C4BPA: variants seen among roughly 807,000 people sequenced by gnomAD.
C4BPA encodes C4b-binding protein alpha chain.
A neutral mutation model predicts 63.7 loss-of-function variants in C4BPA; 31 were observed. The ratio of observed to expected loss-of-function variants is 0.49; its 90% confidence interval spans 0.37 to 0.66. The LOEUF (loss-of-function observed/expected upper bound fraction) is 0.66, where lower values mean the gene tolerates loss of function less well. Among genes scored for constraint, C4BPA ranks in the 30% least tolerant of loss-of-function variants. C4BPA has a pLI of 0.00. For synonymous variants in C4BPA, 259 were observed against 254.7 expected, an observed-to-expected ratio of 1.02 and a Z score of -0.16; for missense variants, 572 against 723.3, an observed-to-expected ratio of 0.79 and a Z score of 2.40.
At chr1:207,133,006 C>T (rs1416529013) in intron 8 of C4BPA, among the ~76,000 whole-genome samples, 1 of 152,214 alleles carries the variant, frequency 6.6e-6, no homozygotes, top group Admixed American at 6.5e-5. Context: ...GCCTGGATGA[C>T]AGAGCAGGAC....
At chr1:207,139,875 G>T (rs893449514) in intron 9 of C4BPA, among the ~76,000 whole-genome samples, 2 of 152,100 alleles carry the variant, frequency 1.3e-5, no homozygotes, top group Non-Finnish European at 2.9e-5. Context: ...ACTGTCCTAG[G>T]TTTATATATT....
chr1:207,113,195 A>G lies in C4BPA; in HGVS notation c.142+28A>G, dbSNP rs751508928. ...GAGTAGTGGGAAACAAGCTCAAATC[A>G]GCAACAAACAATGAAGATCATCTGT... On this transcript the variant is annotated intron_variant, in intron 2 of 11. Coordinates refer to ENST00000367070, the MANE Select transcript of C4BPA (RefSeq NM_000715.4). The G allele has an allele frequency of 1.1e-5, 17 of 1,599,878 alleles. No homozygotes were observed. The East Asian group carries it at 3.4e-4, about 32-fold the overall frequency.
Position 207,131,580 on chromosome 1 carries a change from T to C in C4BPA, c.924T>C (p.Ala308=), listed in dbSNP as rs199696184. The C allele has an allele frequency of 6.2e-7, 1 of 1,612,326 alleles. No individual in the cohort carries two copies. The highest frequency in any genetic ancestry group is 2.2e-5 in the East Asian group (1 of 44,808). ...TTAATTTACCAGACATTCCACATGC[T>C]TCCTGGGAAACATATCCTAGGCCGA... is the stretch of plus-strand genomic sequence containing the variant. ...SCINLPDIPH[A]SWETYPRPTK... The change falls in exon 8 of 12, where the codon GCT becomes GCC. Residue 308 remains alanine, a synonymous_variant. Transcript: ENST00000367070.
chr1:207,141,358 C>A, intron 10 of C4BPA, 82 bp downstream of exon 10: 1 of 1,031,894 alleles, frequency 9.7e-7, no homozygotes, highest in Non-Finnish European at 1.4e-6. Context: ...TCTTCCCTGT[C>A]AGAGGCAGCA....
chr1:207,113,737 T>C (rs1684719423), intron 2 of C4BPA, among the ~76,000 whole-genome samples: 2 of 152,242 alleles, frequency 1.3e-5, no homozygotes, highest in South Asian at 4.1e-4. Flanking sequence ...CAACTTGTAG[T>C]GACTTCTGAC....
rs551635739 is a variant in C4BPA at position 207,137,131 on chromosome 1, T to G, written c.1273+2539T>G. On this transcript the variant is annotated intron_variant, in intron 9 of 11. Coordinates refer to ENST00000367070, the MANE Select transcript of C4BPA (RefSeq NM_000715.4). ...GGAAGATCCCCATGTATGTATAAAATTTGTGTGCTTTTCCCTTGTTAATCT... is the reference window on the plus strand; with the variant it reads ...GGAAGATCCCCATGTATGTATAAAAGTTGTGTGCTTTTCCCTTGTTAATCT... Among the ~76,000 whole-genome samples the G allele has an allele frequency of 2.6e-5, 4 of 152,352 alleles. No individual in the cohort carries two copies. In the South Asian group the frequency reaches 8.3e-4, roughly 32 times the overall value.
At chr1:207,137,462 A>T (rs907061844) in intron 9 of C4BPA, among the ~76,000 whole-genome samples, 1 of 152,174 alleles carries the variant, frequency 6.6e-6, no homozygotes, top group Non-Finnish European at 1.5e-5. Flanking sequence ...GGAGAACTCA[A>T]AGTGGTGTCG....
At chr1:207,112,490 T>C (rs1203418250) in intron 1 of C4BPA, among the ~76,000 whole-genome samples, 5 of 152,168 alleles carry the variant, frequency 3.3e-5, no homozygotes, top group Non-Finnish European at 7.4e-5. Context: ...ATCTTGTGCA[T>C]GTCTGCCATA....
intron 9 of C4BPA, among the ~76,000 whole-genome samples, chr1:207,137,649 T>C (rs948685013): frequency 1.3e-5 from 2 of 151,844 alleles, no homozygotes; most frequent in African/African-American, 4.9e-5. Context: ...ACAGAGTTTC[T>C]CCCTGTTGCC....
At chr1:207,114,062 G>C in intron 2 of C4BPA, 38 bp from the exon 3 acceptor site, 1 of 1,561,388 alleles carries the variant, frequency 6.4e-7, no homozygotes, top group South Asian at 1.1e-5. Context: ...GTGTCCCAAG[G>C]TATAAGTTTT....
At chr1:207,134,001 T>G (rs1348493438) in intron 8 of C4BPA, among the ~76,000 whole-genome samples, 1 of 152,128 alleles carries the variant, frequency 6.6e-6, no homozygotes, top group African/African-American at 2.4e-5. Flanking sequence ...TTCATATTGG[T>G]TAAATTTTTT....
At chr1:207,107,572 T>C (rs1475941005) in intron 1 of C4BPA, among the ~76,000 whole-genome samples, 2 of 151,978 alleles carry the variant, frequency 1.3e-5, no homozygotes, top group Non-Finnish European at 2.9e-5. Context: ...CCAGAATGTT[T>C]TTGGGGAAGG....
intron 4 of C4BPA, among the ~76,000 whole-genome samples, chr1:207,122,710 A>T (rs1366264940): frequency 6.6e-6 from 1 of 152,102 alleles, no homozygotes; most frequent in African/African-American, 2.4e-5. Context: ...AGTAGCTGGG[A>T]CTACAGGAGA....
intron 4 of C4BPA, among the ~76,000 whole-genome samples, chr1:207,115,813 CT>C (rs1684773644): frequency 6.6e-6 from 1 of 152,080 alleles, no homozygotes; most frequent in Non-Finnish European, 1.5e-5. Context: ...TTATTGTTTA[CT>C]TATCAATGTA....
rs1199943125 is a variant in C4BPA at position 207,104,595 on chromosome 1, C to T, written c.-26+165C>T. Among the ~76,000 whole-genome samples the T allele has an allele frequency of 4.6e-5, 7 of 152,050 alleles. No homozygotes were observed. The South Asian group carries it at 8.3e-4, about 18-fold the overall frequency. On this transcript the variant is annotated intron_variant, in intron 1 of 11. Transcript: ENST00000367070. The stretch of plus-strand genomic sequence containing the variant: ...TATTAGGGGGATGTAAGACTTGAGA[C>T]GTACTTTAAACCCTATCTGAACCTC...
At position 207,124,272 on chromosome 1, in the gene C4BPA, C is replaced by T. The variant is rs757593380; in HGVS notation, c.612C>T (p.Asp204=). 1.2e-6 allele frequency: 2 copies of T among 1,613,790 alleles called. No homozygotes were observed. Among genetic ancestry groups the T allele is most frequent in the South Asian group, 1.1e-5 (1 of 91,076 alleles). ...GCTTTTCTGTCACCTACAGCTGTGA[C>T]CCCCGCTTCTCACTCTTGGGCCATG... ...AYGFSVTYSC[D]PRFSLLGHAS... The change falls in exon 6 of 12, where the codon GAC becomes GAT. Residue 204 remains aspartate, a synonymous_variant. Transcript: ENST00000367070.
intron 2 of C4BPA, among the ~76,000 whole-genome samples, chr1:207,113,710 A>C (rs1349154428): frequency 6.6e-6 from 1 of 152,186 alleles, no homozygotes; most frequent in African/African-American, 2.4e-5. Flanking sequence ...GAATACAATA[A>C]TATGTTTCTG....
intron 10 of C4BPA, among the ~76,000 whole-genome samples, chr1:207,142,711 T>C (rs1218004389): frequency 2.0e-5 from 3 of 152,318 alleles, no homozygotes; most frequent in African/African-American, 7.2e-5. Flanking sequence ...GCTGCATAAA[T>C]GTCTGCAAGA....
At chr1:207,121,682 T>C (rs1489230667) in intron 4 of C4BPA, among the ~76,000 whole-genome samples, 3 of 152,104 alleles carry the variant, frequency 2.0e-5, no homozygotes, top group African/African-American at 7.2e-5. Flanking sequence ...CTATTAAAAA[T>C]ATATGGTGGT....
Sources: allele counts gnomAD v4.1 joint callset (sites outside exome capture counted in the v4.1 genomes callset), GRCh38; gene constraint gnomAD v4.1.1; transcripts MANE v1.5; gene names NCBI Gene and HGNC (gene_info 2026-07-23, HGNC 2026-07-21).